The following ATG10 variants were observed in gnomAD, a reference collection of about 807,000 sequenced individuals.
ATG10 encodes the protein autophagy related 10, also known as ubiquitin-like-conjugating enzyme ATG10.
Under a neutral mutation model 32.1 loss-of-function variants are expected in ATG10, and 30 were observed. The ratio of observed to expected loss-of-function variants is 0.94; its 90% CI spans 0.70 to 1.27. The LOEUF is 1.27. ATG10 is among the 50% of genes most tolerant of loss of function. The pLI, the probability that ATG10 is intolerant of heterozygous loss-of-function variation, is 0.00. For missense variants in ATG10, 233 were observed against 262.3 expected (o/e 0.89, Z 0.77); for synonymous variants, 87 against 91.5 (o/e 0.95, Z 0.28).
At chr5:82,060,256 A>G (rs756285693) in intron 3 of ATG10, among the ~76,000 whole-genome samples, 3 of 152,236 alleles carry the variant, frequency 2.0e-5, no homozygotes, top group Admixed American at 2.0e-4. Context: ...GTGAATATCT[A>G]TATACTTACC....
At chr5:81,983,649 C>A (rs546577812) in intron 1 of ATG10, among the ~76,000 whole-genome samples, 48 of 151,462 alleles carry the variant, frequency 3.2e-4, no homozygotes, top group Middle Eastern at 3.4e-3. Flanking sequence ...GGCTGACCCT[C>A]CCACCTCCCT....
chr5:82,246,600 C>A (rs1454177057), intron 5 of ATG10, among the ~76,000 whole-genome samples: 2 of 150,808 alleles, frequency 1.3e-5, no homozygotes, highest in Non-Finnish European at 3.0e-5. Context: ...GCTTTCATTT[C>A]TTTCCCCTTC....
intron 3 of ATG10, among the ~76,000 whole-genome samples, chr5:82,121,758 T>C (rs1212470725): frequency 6.6e-6 from 1 of 152,180 alleles, no homozygotes; most frequent in Non-Finnish European, 1.5e-5. Context: ...ATGTGATGAA[T>C]GACATTTATT....
At chr5:82,252,496 A>G in intron 5 of ATG10, 66 bp from the exon 6 acceptor site, 1 of 924,686 alleles carries the variant, frequency 1.1e-6, no homozygotes, top group Non-Finnish European at 1.7e-6. Flanking sequence ...GGAGTAAACC[A>G]GATAAATTAT....
At chr5:82,201,700 G>C (rs575623172) in intron 5 of ATG10, among the ~76,000 whole-genome samples, 1 of 152,302 alleles carries the variant, frequency 6.6e-6, no homozygotes, top group East Asian at 1.9e-4. Context: ...TTTTAACTGG[G>C]ATTGTGTTGG....
At chr5:82,236,883 T>C (rs1746575169) in intron 5 of ATG10, among the ~76,000 whole-genome samples, 1 of 152,212 alleles carries the variant, frequency 6.6e-6, no homozygotes, top group South Asian at 2.1e-4. Context: ...TAGGTGAGAC[T>C]TTGGTTTCTT....
intron 2 of ATG10, among the ~76,000 whole-genome samples, chr5:82,020,838 A>T (rs551054744): frequency 6.6e-6 from 1 of 152,326 alleles, no homozygotes; most frequent in Non-Finnish European, 1.5e-5. Context: ...GGATATAGGG[A>T]GAGAAAAATT....
At position 82,254,830 on chromosome 5, in the gene ATG10, C is replaced by T. The variant is rs143455817; in HGVS notation, c.*767C>T. 2 of 151,478 alleles carry T rather than the reference C, an allele frequency of 1.3e-5. No homozygotes were observed. Among genetic ancestry groups the T allele is most frequent in the East Asian group, 3.9e-4 (2 of 5,124 alleles). 9.4% of individuals were successfully genotyped at this position (151,478 alleles called of 1,614,324 possible). A position where few individuals can be genotyped will look rare whatever the true frequency, so the allele number is the denominator to read the frequency against. ...ACATGACCTATCTTAAGTGATTTTCCCACAATCAAACTCAGGAACAATAGA... is the reference window on the plus strand; with the variant it reads ...ACATGACCTATCTTAAGTGATTTTCTCACAATCAAACTCAGGAACAATAGA... On this transcript the variant is annotated 3_prime_UTR_variant, in exon 8 of 8. Transcript: ENST00000282185.
intron 5 of ATG10, among the ~76,000 whole-genome samples, chr5:82,213,282 G>T (rs1249209796): frequency 6.6e-6 from 1 of 152,168 alleles, no homozygotes; most frequent in Non-Finnish European, 1.5e-5. Flanking sequence ...ACATATTCCA[G>T]ACTAAGAGTT....
intron 5 of ATG10, among the ~76,000 whole-genome samples, chr5:82,222,010 TA>T (rs1468929868): frequency 6.6e-6 from 1 of 152,186 alleles, no homozygotes; most frequent in Non-Finnish European, 1.5e-5. Flanking sequence ...CAAAATGTGA[TA>T]TTGATTAGTG....
At chr5:82,020,028 C>G (rs923492519) in intron 2 of ATG10, among the ~76,000 whole-genome samples, 1 of 152,192 alleles carries the variant, frequency 6.6e-6, no homozygotes, top group Non-Finnish European at 1.5e-5. Context: ...TCTGAAGCGC[C>G]CATGCAGTCA....
At chr5:82,195,619 C>T (rs574146496) in intron 5 of ATG10, among the ~76,000 whole-genome samples, 39 of 152,248 alleles carry the variant, frequency 2.6e-4, no homozygotes, top group African/African-American at 9.1e-4. Context: ...GATTTTATAT[C>T]AATGAAATCA....
intron 5 of ATG10, among the ~76,000 whole-genome samples, chr5:82,185,840 TG>T (rs1395798544): frequency 6.6e-6 from 1 of 152,210 alleles, no homozygotes; most frequent in Non-Finnish European, 1.5e-5. Flanking sequence ...GAAGTTCCAG[TG>T]ATTGGCTTTC....
At chr5:82,232,762 ATTT>A in intron 5 of ATG10, among the ~76,000 whole-genome samples, 1 of 151,534 alleles carries the variant, frequency 6.6e-6, no homozygotes, top group East Asian at 1.9e-4. Flanking sequence ...AGCAGCCAAC[ATTT>A]TTTTTTAAGT....
chr5:82,234,515 G>T (rs1208948616), intron 5 of ATG10, among the ~76,000 whole-genome samples: 2 of 152,154 alleles, frequency 1.3e-5, no homozygotes, highest in African/African-American at 4.8e-5. Flanking sequence ...GAAAGGGACA[G>T]GTAGAGAGAC....
intron 2 of ATG10, among the ~76,000 whole-genome samples, chr5:82,040,953 G>A (rs1157466949): frequency 2.6e-5 from 4 of 152,106 alleles, no homozygotes; most frequent in Non-Finnish European, 5.9e-5. Flanking sequence ...CTCTTAGATC[G>A]TGGTGTTGCT....
chr5:82,118,281 A>G (rs1765889805), intron 3 of ATG10, among the ~76,000 whole-genome samples: 1 of 147,796 alleles, frequency 6.8e-6, no homozygotes, highest in African/African-American at 2.5e-5. Flanking sequence ...GAACCCCACA[A>G]GAGCAGAGTG....
chr5:82,184,373 C>T (rs1265969103), intron 5 of ATG10, among the ~76,000 whole-genome samples: 1 of 151,872 alleles, frequency 6.6e-6, no homozygotes, highest in Non-Finnish European at 1.5e-5. Context: ...TTATTTTTTC[C>T]AGGTAAACAT....
intron 2 of ATG10, among the ~76,000 whole-genome samples, chr5:82,025,747 G>A (rs1262510660): frequency 6.6e-6 from 1 of 151,990 alleles, no homozygotes; most frequent in Non-Finnish European, 1.5e-5. Context: ...TAATTATTTT[G>A]GACTAAAAAG....
Sources: allele counts gnomAD v4.1 joint callset (sites outside exome capture counted in the v4.1 genomes callset), GRCh38; gene constraint gnomAD v4.1.1; transcripts MANE v1.5; gene names NCBI Gene and HGNC (gene_info 2026-07-23, HGNC 2026-07-21).